The following RGS6 variants were observed in gnomAD, a reference collection of about 807,000 sequenced individuals.
RGS6 encodes the protein regulator of G-protein signaling 6.
RGS6 carries 30 observed loss-of-function variants against 78.5 expected under a neutral mutation model. That is an observed-to-expected ratio of 0.38 (90% CI 0.29 to 0.52). The LOEUF is 0.52. RGS6 is among the 20% of genes least tolerant of loss of function. RGS6 has a pLI of 0.85. For missense variants in RGS6, 495 were observed against 609.7 expected (o/e 0.81, Z 1.98); for synonymous variants, 206 against 206.0 (o/e 1.00, Z 0.00).
At chr14:72,080,513 T>C (rs1260443464) in intron 2 of RGS6, among the ~76,000 whole-genome samples, 2 of 152,174 alleles carry the variant, frequency 1.3e-5, no homozygotes, top group Non-Finnish European at 2.9e-5. Context: ...GCAGAAGCTT[T>C]TTAGTTTGAT....
the RGS6 span, among the ~76,000 whole-genome samples, chr14:71,897,607 A>T: frequency 5.9e-5 from 9 of 151,464 alleles, no homozygotes; most frequent in Non-Finnish European, 2.9e-5. Context: ...CACAACCTCC[A>T]CCTCCTGGGT....
intron 2 of RGS6, among the ~76,000 whole-genome samples, chr14:72,270,331 C>T (rs1165841300): frequency 1.3e-5 from 2 of 152,158 alleles, no homozygotes; most frequent in African/African-American, 4.8e-5. Flanking sequence ...CAAATGGAAT[C>T]CTCTAGGGTA....
chr14:72,348,767 A>AT (rs1355476590), intron 2 of RGS6, among the ~76,000 whole-genome samples: 9 of 152,324 alleles, frequency 5.9e-5, no homozygotes, highest in Non-Finnish European at 1.3e-4. Flanking sequence ...AATGTCAAGT[A>AT]TTTTTTGTGG....
chr14:72,403,681 T>C (rs1485215085), intron 3 of RGS6, among the ~76,000 whole-genome samples: 4 of 152,230 alleles, frequency 2.6e-5, no homozygotes, highest in African/African-American at 9.6e-5. Flanking sequence ...ACACATTGTA[T>C]CTATCAAAAT....
At chr14:71,922,692 A>G in the RGS6 span, among the ~76,000 whole-genome samples, 54 of 152,302 alleles carry the variant, frequency 3.5e-4, no homozygotes, top group African/African-American at 1.2e-3. Flanking sequence ...TTTAGTTATC[A>G]TATCTCCTTA....
chr14:71,994,179 C>T (rs368001795), intron 2 of RGS6, among the ~76,000 whole-genome samples: 2 of 152,150 alleles, frequency 1.3e-5, no homozygotes, highest in East Asian at 3.9e-4. Flanking sequence ...TTAGCCTGTT[C>T]CGTCTACTTG....
chr14:72,616,360 G>A, the RGS6 span, among the ~76,000 whole-genome samples: 1 of 151,982 alleles, frequency 6.6e-6, no homozygotes, highest in Non-Finnish European at 1.5e-5. Flanking sequence ...TCATTTTAAA[G>A]TCCCCAACCC....
chr14:72,203,433 A>C (rs2042020297), intron 2 of RGS6, among the ~76,000 whole-genome samples: 1 of 152,228 alleles, frequency 6.6e-6, no homozygotes, highest in African/African-American at 2.4e-5. Context: ...ATCTCACAGC[A>C]CTGTGGGTAA....
chr14:72,046,658 T>A (rs1319042711), intron 2 of RGS6, among the ~76,000 whole-genome samples: 4 of 150,808 alleles, frequency 2.7e-5, no homozygotes, highest in Admixed American at 2.6e-4. Flanking sequence ...CTACTCTTCC[T>A]CCTCCTCTGC....
At chr14:72,540,829 C>T (rs960585763) in intron 17 of RGS6, 1 of 985,288 alleles carries the variant, frequency 1.0e-6, no homozygotes, top group African/African-American at 1.7e-5. Context: ...CAGATTCCTA[C>T]AGGTTCATGG....
chr14:72,137,697 T>G (rs752864030), intron 2 of RGS6, among the ~76,000 whole-genome samples: 3 of 152,242 alleles, frequency 2.0e-5, no homozygotes, highest in African/African-American at 4.8e-5. Context: ...GAACATGGTT[T>G]GGAAGCATCC....
intron 3 of RGS6, among the ~76,000 whole-genome samples, chr14:72,357,024 A>G (rs1047597741): frequency 6.6e-6 from 1 of 152,152 alleles, no homozygotes; most frequent in African/African-American, 2.4e-5. Context: ...TAATCCCAGC[A>G]CTTTGGGAGG....
chr14:72,144,972 C>T (rs1005437445), intron 2 of RGS6, among the ~76,000 whole-genome samples: 6 of 151,836 alleles, frequency 4.0e-5, no homozygotes, highest in Admixed American at 6.6e-5. Flanking sequence ...GCTCAGGAAG[C>T]GAGGAGTGAT....
intron 2 of RGS6, among the ~76,000 whole-genome samples, chr14:72,178,281 G>A (rs1057509124): frequency 6.6e-6 from 1 of 152,188 alleles, no homozygotes; most frequent in African/African-American, 2.4e-5. Flanking sequence ...TGCCCTACTG[G>A]GTGGAGCCCA....
At chr14:71,996,324 T>G (rs2095204865) in intron 2 of RGS6, among the ~76,000 whole-genome samples, 1 of 152,146 alleles carries the variant, frequency 6.6e-6, no homozygotes, top group Non-Finnish European at 1.5e-5. Context: ...AGAGATTTGT[T>G]AAGTAAATGG....
At chr14:71,999,730 T>A (rs959670165) in intron 2 of RGS6, among the ~76,000 whole-genome samples, 12 of 152,228 alleles carry the variant, frequency 7.9e-5, no homozygotes, top group Non-Finnish European at 4.4e-5. Context: ...TTTCTCGTGC[T>A]CTGGACATGT....
At chr14:72,417,142 C>G (rs113635383) in intron 3 of RGS6, among the ~76,000 whole-genome samples, 3 of 152,206 alleles carry the variant, frequency 2.0e-5, no homozygotes, top group African/African-American at 7.2e-5. Flanking sequence ...GAAATTGTGC[C>G]GCCAGCGTTC....
chr14:72,496,702 T>G (rs1006107952), intron 13 of RGS6, among the ~76,000 whole-genome samples: 6 of 152,238 alleles, frequency 3.9e-5, no homozygotes, highest in African/African-American at 1.4e-4. Context: ...CCAGGGGCAC[T>G]GTGAAAAACT....
chr14:72,352,457 G>C (rs575899762), intron 3 of RGS6, among the ~76,000 whole-genome samples: 2 of 152,288 alleles, frequency 1.3e-5, no homozygotes, highest in South Asian at 4.1e-4. Flanking sequence ...CATTAATAAA[G>C]TGGCGCATCA....
Sources: gnomAD v4.1 joint callset for allele counts (sites outside exome capture counted in the v4.1 genomes callset) on GRCh38, gnomAD v4.1.1 for gene constraint, MANE v1.5 for transcripts, NCBI Gene and HGNC (gene_info 2026-07-23, HGNC 2026-07-21) for gene names.